CHRNA6: variants seen among roughly 807,000 people sequenced by gnomAD.
The protein encoded by CHRNA6 is neuronal acetylcholine receptor subunit alpha-6.
A neutral mutation model predicts 40.9 loss-of-function variants in CHRNA6; 31 were observed. The observed-to-expected ratio is 0.76, with a 90% CI of 0.57 to 1.02. CHRNA6 has a LOEUF of 1.02. Among genes scored for constraint, CHRNA6 ranks in the 50% least tolerant of loss-of-function variants. The pLI, the probability that CHRNA6 is intolerant of heterozygous loss-of-function variation, is 0.00. For missense variants in CHRNA6, 546 were observed against 596.6 expected (o/e 0.92, Z 0.88); for synonymous variants, 222 against 221.3 (o/e 1.00, Z -0.03).
chr8:42,759,165 G>T, intron 2 of CHRNA6, 52 bp from the exon 3 acceptor site: 1 of 1,397,782 alleles, frequency 7.2e-7, no homozygotes, highest in Non-Finnish European at 1.0e-6. Context: ...CCATAGAGGT[G>T]AGACTTAGAG....
rs182324244 is a variant in CHRNA6 at position 42,758,054 on chromosome 8, A to C, written c.264+1015T>G. Among the ~76,000 whole-genome samples, 810 of 152,208 alleles carry C rather than the reference A, an allele frequency of 5.3e-3. 6 individuals are homozygous for C. Among genetic ancestry groups the C allele is most frequent in the Middle Eastern group, 0.014 (4 of 292 alleles). ...CGTCTCAAAAAAAACCAAAAAACAA[A>C]AAAAAAAAGTAAAAATAATACATTC... On this transcript the variant is annotated intron_variant, in intron 3 of 5. Coordinates refer to ENST00000276410, the MANE Select transcript of CHRNA6 (RefSeq NM_004198.3).
chr8:42,752,732 G>A lies in CHRNA6; in HGVS notation c.*447C>T, dbSNP rs1816739316. On this transcript the variant is annotated 3_prime_UTR_variant, in exon 6 of 6. Coordinates refer to ENST00000276410, the MANE Select transcript of CHRNA6 (RefSeq NM_004198.3). ...AATCAAGGATGCAATAGTTCACAAA[G>A]TGTTGCAAACAGTTCACAAATGTTG... 1 of 153,736 alleles carries A rather than the reference G, an allele frequency of 6.5e-6. No individual in the cohort carries two copies. Among genetic ancestry groups the A allele is most frequent in the Non-Finnish European group, 1.4e-5 (1 of 69,710 alleles). 9.5% of individuals were successfully genotyped at this position (153,736 alleles called of 1,614,324 possible).
chr8:42,764,998 ATTC>A, intron 2 of CHRNA6, 64 bp downstream of exon 2: 1 of 1,541,506 alleles, frequency 6.5e-7, no homozygotes, highest in Non-Finnish European at 8.9e-7. Flanking sequence ...TATTTCTAAA[ATTC>A]CTTCATTTAC....
chr8:42,768,532 C>T lies in CHRNA6; in HGVS notation c.-102G>A, dbSNP rs571650824. The T allele has an allele frequency of 1.8e-5, 14 of 768,752 alleles. No homozygotes were observed. In the East Asian group the frequency reaches 3.0e-4, roughly 17 times the overall value. The allele number at this position is 768,752 out of a possible 1,614,324, so 47.6% of individuals were successfully genotyped here. On this transcript the variant is annotated 5_prime_UTR_variant, in exon 1 of 6. Transcript: ENST00000276410. ...ATCCAACCTTGACATCATCAGAAGC[C>T]CACTGCAATCCGTGTGTGTCTTCTC...
intron 1 of CHRNA6, among the ~76,000 whole-genome samples, chr8:42,767,245 G>A (rs1255266147): frequency 2.6e-5 from 4 of 152,218 alleles, no homozygotes. Context: ...GGGATTACAG[G>A]CATGAGCCAC....
chr8:42,765,262 G>C (rs1195629768), intron 1 of CHRNA6, 58 bp from the exon 2 acceptor site: 2 of 1,582,922 alleles, frequency 1.3e-6, no homozygotes, highest in South Asian at 1.1e-5. Context: ...CCACTGCAGC[G>C]ATTCTAGGCA....
At chr8:42,755,777 C>A in intron 5 of CHRNA6, 69 bp downstream of exon 5, 1 of 1,522,708 alleles carries the variant, frequency 6.6e-7, no homozygotes, top group Non-Finnish European at 8.9e-7. Flanking sequence ...GAAGGTCTGA[C>A]TGTGCATCCA....
At position 42,767,440 on chromosome 8, in the gene CHRNA6, T is replaced by A. The variant is rs553480098; in HGVS notation, c.79+912A>T. On this transcript the variant is annotated intron_variant, in intron 1 of 5. Coordinates refer to ENST00000276410, the MANE Select transcript of CHRNA6 (RefSeq NM_004198.3). ...CATTTCATTACTACCTCCTCTACAATTTCCTCACAGAATTTAAATTTGATA... is the reference window on the plus strand; with the variant it reads ...CATTTCATTACTACCTCCTCTACAAATTCCTCACAGAATTTAAATTTGATA... 1.1e-4 allele frequency among the ~76,000 whole-genome samples: 17 copies of A among 152,306 alleles called. No individual in the cohort carries two copies. In the South Asian group the frequency reaches 3.5e-3, roughly 32 times the overall value.
At position 42,765,061 on chromosome 8, in the gene CHRNA6, T is replaced by A; in HGVS notation, c.219+4A>T. The A allele has an allele frequency of 6.2e-7, 1 of 1,613,988 alleles. No homozygotes were observed. ...GGGGAAAGCTCTGATCAGAGGGCAC[T>A]CACCACGTTGGCCAGCTGGGTGATG... On this transcript the variant is annotated splice_donor_region_variant and intron_variant, in intron 2 of 5. Coordinates refer to ENST00000276410, the MANE Select transcript of CHRNA6 (RefSeq NM_004198.3).
At position 42,759,895 on chromosome 8, in the gene CHRNA6, C is replaced by CA. The variant is rs796621742; in HGVS notation, c.220-783dup. 7.4e-3 allele frequency among the ~76,000 whole-genome samples: 731 copies of CA among 99,334 alleles called. 1 individual carries two copies. The highest frequency in any genetic ancestry group is 0.012 in the East Asian group (39 of 3,230). The allele number at this position is 99,334 out of a possible 152,430, so 65.2% of individuals were successfully genotyped here. A position where few individuals can be genotyped will look rare whatever the true frequency, so the allele number is the denominator to read the frequency against. The stretch of plus-strand genomic sequence containing the variant: ...AGCCCAGGCGACAAAGACTCCATCT[C>CA]AAAAAAAAAAAAAAAAAAAGTCAGC... On this transcript the variant is annotated intron_variant, in intron 2 of 5. Transcript: ENST00000276410.
chr8:42,763,170 G>T (rs545028526), intron 2 of CHRNA6, among the ~76,000 whole-genome samples: 1 of 152,178 alleles, frequency 6.6e-6, no homozygotes, highest in Admixed American at 6.5e-5. Flanking sequence ...AAGAAGCCAC[G>T]TGAAAAGGGT....
Position 42,753,138 on chromosome 8 carries a change from T to C in CHRNA6, c.*41A>G, listed in dbSNP as rs1400533917. ...CTTGTGGCAGGGAATGCAGAACAAA[T>C]ATGGTGTCTGTAAATTTCTGAACAT... On this transcript the variant is annotated 3_prime_UTR_variant, in exon 6 of 6. Coordinates refer to ENST00000276410, the MANE Select transcript of CHRNA6 (RefSeq NM_004198.3). 1.9e-6 allele frequency: 3 copies of C among 1,567,320 alleles called. No homozygotes were observed. Among genetic ancestry groups the C allele is most frequent in the African/African-American group, 2.8e-5 (2 of 72,708 alleles).
At position 42,753,305 on chromosome 8, in the gene CHRNA6, T is replaced by G; in HGVS notation, c.1359A>C (p.Glu453Asp). 1 of 1,600,826 alleles carries G rather than the reference T, an allele frequency of 6.2e-7. No homozygotes were observed. The highest frequency in any genetic ancestry group is 8.5e-7 in the Non-Finnish European group (1 of 1,177,350). The stretch of plus-strand genomic sequence containing the variant: ...CCATGGCCACGTATTTCCAGTCATC[T>G]TCTACCTGAAATGCAAACAAAAATT... Reference protein sequence around the residue: ...MKSHNETKEVEDDWKYVAMVV... With the variant: ...MKSHNETKEVDDDWKYVAMVV... The change falls in exon 6 of 6, where the codon GAA becomes GAC. Residue 453 changes from glutamate (E) to aspartate (D), a missense_variant. Transcript: ENST00000276410.
At chr8:42,754,541 C>G (rs1816764002) in intron 5 of CHRNA6, among the ~76,000 whole-genome samples, 1 of 152,104 alleles carries the variant, frequency 6.6e-6, no homozygotes, top group South Asian at 2.1e-4. Flanking sequence ...TTTCTGGGCT[C>G]TCTTGTCCGG....
At position 42,752,764 on chromosome 8, in the gene CHRNA6, C is replaced by T. The variant is rs1463599560; in HGVS notation, c.*415G>A. 2 of 164,802 alleles carry T rather than the reference C, an allele frequency of 1.2e-5. No homozygotes were observed. The highest frequency in any genetic ancestry group is 2.6e-5 in the Non-Finnish European group (2 of 76,886). 10.2% of individuals were successfully genotyped at this position (164,802 alleles called of 1,614,324 possible). On this transcript the variant is annotated 3_prime_UTR_variant, in exon 6 of 6. Coordinates refer to ENST00000276410, the MANE Select transcript of CHRNA6 (RefSeq NM_004198.3). Reference sequence around the variant, plus strand: ...AAACAGTTCACAAATGTTGCATGGTCCAATTCCCAGAGTTCACCTGTCACA... The same window carrying T: ...AAACAGTTCACAAATGTTGCATGGTTCAATTCCCAGAGTTCACCTGTCACA...
In CHRNA6 at chr8:42,756,844, C is replaced by T. The variant is rs199691981; in HGVS notation, c.375-20G>A. The T allele has an allele frequency of 1.3e-5, 21 of 1,607,578 alleles. No homozygotes were observed. In the South Asian group the frequency reaches 2.0e-4, roughly 15 times the overall value. On this transcript the variant is annotated intron_variant, in intron 4 of 5. Coordinates refer to ENST00000276410, the MANE Select transcript of CHRNA6 (RefSeq NM_004198.3). ...ACAGCACTGCAAAGCAAGTCAGACACCATTAGTAACACTCCCTTTGCTATA... is the reference window on the plus strand; with the variant it reads ...ACAGCACTGCAAAGCAAGTCAGACATCATTAGTAACACTCCCTTTGCTATA...
rs1359634418 is a variant in CHRNA6, at chr8:42,752,972, G to C, written c.*207C>G. 4.1e-6 allele frequency: 2 copies of C among 485,540 alleles called. No individual in the cohort carries two copies. The highest frequency in any genetic ancestry group is 7.3e-6 in the Non-Finnish European group (2 of 275,704). 30.1% of individuals were successfully genotyped at this position (485,540 alleles called of 1,614,324 possible). A position where few individuals can be genotyped will look rare whatever the true frequency, so the allele number is the denominator to read the frequency against. On this transcript the variant is annotated 3_prime_UTR_variant, in exon 6 of 6. Transcript: ENST00000276410. ...GGTGCTGCCCAATCAGGGCACTAAT[G>C]TCATAACACTTCTCACTTCTCCCCC...
At chr8:42,754,165 G>A (rs542334619) in intron 5 of CHRNA6, among the ~76,000 whole-genome samples, 1 of 152,110 alleles carries the variant, frequency 6.6e-6, no homozygotes, top group African/African-American at 2.4e-5. Context: ...TAAGTCAACA[G>A]CAGCTGTTTC....
rs769758264 is a variant in CHRNA6, at chr8:42,756,263, GATC to G, written c.933_935del (p.Met311del). 7.4e-6 allele frequency: 12 copies of G among 1,614,144 alleles called. No individual in the cohort carries two copies. In the African/African-American group the frequency reaches 1.5e-4, roughly 20 times the overall value. On this transcript the variant is annotated inframe_deletion, in exon 5 of 6. Coordinates refer to ENST00000276410, the MANE Select transcript of CHRNA6 (RefSeq NM_004198.3). ...TCACCACGATGGACAGTGTGACAAA[GATC>G]ATGGTGAACAGCAGGTACTCACCCA...
Sources: allele counts gnomAD v4.1 joint callset (sites outside exome capture counted in the v4.1 genomes callset), GRCh38; gene constraint gnomAD v4.1.1; transcripts MANE v1.5; gene names NCBI Gene and HGNC (gene_info 2026-07-23, HGNC 2026-07-21).